CAPG: variants seen among roughly 807,000 people sequenced by gnomAD.
CAPG encodes the protein macrophage-capping protein.
In CAPG, 32 loss-of-function variants were observed where a neutral mutation model predicts 44.6. The observed-to-expected ratio is 0.72, with a 90% CI of 0.54 to 0.96. The LOEUF (loss-of-function observed/expected upper bound fraction) is 0.96. Ranked by LOEUF, CAPG falls within the 50% of genes least tolerant of loss-of-function variation. The pLI, the probability that CAPG is intolerant of heterozygous loss-of-function variation, is 0.00. For synonymous variants in CAPG, 175 were observed against 179.6 expected (o/e 0.97, Z 0.20); for missense variants, 412 against 438.3 (o/e 0.94, Z 0.54).
intron 1 of CAPG, among the ~76,000 whole-genome samples, chr2:85,417,156 G>C (rs559776923): frequency 1.3e-5 from 2 of 152,188 alleles, no homozygotes; most frequent in African/African-American, 4.8e-5. Flanking sequence ...TACAGCCAGC[G>C]TCACACTGGG....
rs553867141 is a variant in CAPG at position 85,401,255 on chromosome 2, C to A, written c.426G>T (p.Val142=). The A allele has an allele frequency of 4.3e-6, 7 of 1,614,198 alleles. No homozygotes were observed. Among genetic ancestry groups the A allele is most frequent in the Non-Finnish European group, 5.9e-6 (7 of 1,180,030 alleles). Residue 142 remains valine, a synonymous_variant, in exon 5 of 10, where the codon GTG becomes GTT. Coordinates refer to ENST00000263867, the MANE Select transcript of CAPG (RefSeq NM_001747.4). The part of the protein sequence containing the change: ...APAAIKKLYQ[V]KGKKNIRATE... ...TGGCACGGATGTTCTTCTTCCCCTT[C>A]ACCTGGTAGAGTTTCTTGATGGCAG...
intron 8 of CAPG, among the ~76,000 whole-genome samples, chr2:85,397,414 C>A (rs776534599): frequency 6.6e-6 from 1 of 152,144 alleles, no homozygotes; most frequent in Non-Finnish European, 1.5e-5. Flanking sequence ...GAGGTGGGAA[C>A]AGCAAAGAGA....
intron 2 of CAPG, 55 bp downstream of exon 2, chr2:85,402,068 G>A: frequency 6.2e-7 from 1 of 1,608,820 alleles, no homozygotes; most frequent in Non-Finnish European, 8.5e-7. Flanking sequence ...GGGAGGGGCA[G>A]CCCTTGGAGG....
intron 3 of CAPG, 39 bp downstream of exon 3, chr2:85,401,746 C>T (rs1460399832): frequency 1.9e-6 from 3 of 1,612,750 alleles, no homozygotes; most frequent in Non-Finnish European, 2.5e-6. Context: ...CCTCCCTCCC[C>T]TTCCTGGGCC....
chr2:85,410,374 TCTTA>T (rs1191711896), upstream of CAPG: 2 of 152,466 alleles, frequency 1.3e-5, no homozygotes, highest in African/African-American at 4.8e-5. Context: ...CTCACTTCCC[TCTTA>T]CTTCTCTGGC....
rs1686870583 is a variant in CAPG, at chr2:85,401,252, C to T, written c.429G>A (p.Lys143=). 6 of 1,614,196 alleles carry T rather than the reference C, an allele frequency of 3.7e-6. No individual in the cohort carries two copies. Among genetic ancestry groups the T allele is most frequent in the East Asian group, 2.2e-5 (1 of 44,878 alleles). The part of the protein sequence containing the change: ...PAAIKKLYQV[K]GKKNIRATER... ...CGGTGGCACGGATGTTCTTCTTCCCCTTCACCTGGTAGAGTTTCTTGATGG... is the reference window on the plus strand; with the variant it reads ...CGGTGGCACGGATGTTCTTCTTCCCTTTCACCTGGTAGAGTTTCTTGATGG... The change falls in exon 5 of 10, where the codon AAG becomes AAA. Residue 143 remains lysine (K), a synonymous_variant. Transcript: ENST00000263867.
At chr2:85,403,668 C>G (rs1232990244) in intron 1 of CAPG, among the ~76,000 whole-genome samples, 1 of 152,078 alleles carries the variant, frequency 6.6e-6, no homozygotes, top group Admixed American at 6.6e-5. Context: ...GTGGGTGGAT[C>G]ATGAGGTCAG....
chr2:85,404,892 T>C (rs1199420717), intron 1 of CAPG, among the ~76,000 whole-genome samples: 6 of 150,190 alleles, frequency 4.0e-5, no homozygotes, highest in Non-Finnish European at 8.8e-5. Flanking sequence ...GCCAAGATCA[T>C]GCCACTGAAC....
At chr2:85,392,740 CA>C (rs1251916796), downstream of CAPG, among the ~76,000 whole-genome samples, 3 of 152,214 alleles carry the variant, frequency 2.0e-5, no homozygotes, top group Non-Finnish European at 2.9e-5. Context: ...GTCTGGTCCT[CA>C]GCTAACCAAC....
chr2:85,412,835 T>G (rs1687455011), upstream of CAPG, among the ~76,000 whole-genome samples: 1 of 152,168 alleles, frequency 6.6e-6, no homozygotes. Context: ...GCTGTGCAAG[T>G]GACTTAACCT....
intron 5 of CAPG, 30 bp downstream of exon 5, chr2:85,401,135 C>T (rs199752504): frequency 6.8e-5 from 109 of 1,605,960 alleles, no homozygotes; most frequent in Non-Finnish European, 7.2e-5. Flanking sequence ...GGTGCCAATA[C>T]GGAGTGCTCA....
Position 85,395,492 on chromosome 2 carries a change from A to C in CAPG, c.981+46T>G. 6.6e-7 allele frequency: 1 copy of C among 1,526,516 alleles called. No individual in the cohort carries two copies. The highest frequency in any genetic ancestry group is 9.0e-7 in the Non-Finnish European group (1 of 1,106,000). The allele number at this position is 1,526,516 out of a possible 1,614,324, so 94.6% of individuals were successfully genotyped here. Reference sequence around the variant, plus strand: ...GCCAATTTGAGGGGTCAGGGGCCACAGGAAGAGCCCTAGGAAGAGGGCTGT... The same window carrying C: ...GCCAATTTGAGGGGTCAGGGGCCACCGGAAGAGCCCTAGGAAGAGGGCTGT... On this transcript the variant is annotated intron_variant, in intron 9 of 9. Transcript: ENST00000263867. This position sits in a 1 kb window ranked among gnomAD's most constrained non-coding sequence, Gnocchi z 4.3.
At chr2:85,406,287 T>C (rs59102074) in intron 1 of CAPG, among the ~76,000 whole-genome samples, 36,150 of 151,378 alleles carry the variant, frequency 0.24, 4,653 homozygotes, top group African/African-American at 0.3. Context: ...GTTTGGCTGC[T>C]CATTAGAATG....
At chr2:85,415,351 C>A (rs1687530184), upstream of CAPG, among the ~76,000 whole-genome samples, 1 of 152,230 alleles carries the variant, frequency 6.6e-6, no homozygotes, top group Non-Finnish European at 1.5e-5. Flanking sequence ...ACAACTAGGC[C>A]TCTCCAAGGT....
chr2:85,407,083 C>A (rs1283513858), intron 1 of CAPG, among the ~76,000 whole-genome samples: 3 of 151,860 alleles, frequency 2.0e-5, no homozygotes, highest in Non-Finnish European at 4.4e-5. Context: ...GCGTGCACCA[C>A]CACATCTGGC....
chr2:85,397,519 GT>G (rs1686653766), intron 8 of CAPG, among the ~76,000 whole-genome samples: 2 of 149,982 alleles, frequency 1.3e-5, no homozygotes, highest in African/African-American at 4.9e-5. Context: ...GACCAGCCTG[GT>G]AGTGAAACCC....
At chr2:85,404,977 A>C (rs1687079387) in intron 1 of CAPG, among the ~76,000 whole-genome samples, 1 of 151,758 alleles carries the variant, frequency 6.6e-6, no homozygotes, top group Non-Finnish European at 1.5e-5. Flanking sequence ...CAAACTAGGA[A>C]TAGAAAGAAA....
At chr2:85,400,769 C>T (rs2104805025) in intron 5 of CAPG, among the ~76,000 whole-genome samples, 1 of 152,278 alleles carries the variant, frequency 6.6e-6, no homozygotes, top group East Asian at 1.9e-4. Flanking sequence ...GCCCTCATCA[C>T]ATCCTGCCTC....
intron 8 of CAPG, among the ~76,000 whole-genome samples, chr2:85,396,916 G>C (rs73945744): frequency 0.11 from 17,014 of 152,032 alleles, 1,329 homozygotes; most frequent in African/African-American, 0.21. Context: ...TCTCCACCTT[G>C]GTTGACCCCA....
Sources: allele counts gnomAD v4.1 joint callset (sites outside exome capture counted in the v4.1 genomes callset), GRCh38; gene constraint gnomAD v4.1.1; non-coding constraint Gnocchi (gnomAD v3.1); transcripts MANE v1.5; gene names NCBI Gene and HGNC (gene_info 2026-07-23, HGNC 2026-07-21).